Variants in SEC11A observed in about 807,000 individuals in gnomAD.
SEC11A encodes signal peptidase complex catalytic subunit SEC11A.
In SEC11A, 14 loss-of-function variants were observed where a neutral mutation model predicts 25.6. The observed-to-expected ratio is 0.55, with a 90% confidence interval of 0.36 to 0.85. The LOEUF (loss-of-function observed/expected upper bound fraction) is 0.85. Among genes scored for constraint, SEC11A ranks in the 40% least tolerant of loss-of-function variants. The pLI, the probability that SEC11A is intolerant of heterozygous loss-of-function variation, is 0.01. For synonymous variants in SEC11A, 83 were observed against 76.4 expected (o/e 1.09, Z -0.45); for missense variants, 153 against 222.9 (o/e 0.69, Z 2.00).
chr15:84,713,024 C>T (rs1898333284), intron 1 of SEC11A, among the ~76,000 whole-genome samples: 1 of 151,962 alleles, frequency 6.6e-6, no homozygotes, highest in African/African-American at 2.4e-5. Flanking sequence ...GAAACCCTGT[C>T]TCTACTAAAA....
At chr15:84,699,181 G>A (rs1208642371) in intron 1 of SEC11A, among the ~76,000 whole-genome samples, 1 of 151,956 alleles carries the variant, frequency 6.6e-6, no homozygotes, top group East Asian at 1.9e-4. Context: ...CAGGCGTGGT[G>A]GCACGTGCCT....
In SEC11A at chr15:84,676,978, C is replaced by T. The variant is rs117890238; in HGVS notation, c.431+3735G>A. Among the ~76,000 whole-genome samples, 1,391 of 152,016 alleles carry T rather than the reference C, an allele frequency of 9.2e-3. 13 individuals are homozygous for T. The highest frequency in any genetic ancestry group is 0.015 in the Non-Finnish European group (996 of 67,984). On this transcript the variant is annotated intron_variant, in intron 4 of 5. Coordinates refer to ENST00000268220, the MANE Select transcript of SEC11A (RefSeq NM_014300.4). ...TGATAGCATGCACCTGTGATCCTAGCTACTGAGAAGGCTGAGGTGGGAGGA... is the reference window on the plus strand; with the variant it reads ...TGATAGCATGCACCTGTGATCCTAGTTACTGAGAAGGCTGAGGTGGGAGGA...
intron 4 of SEC11A, among the ~76,000 whole-genome samples, chr15:84,677,421 T>C (rs1475594732): frequency 6.6e-6 from 1 of 151,920 alleles, no homozygotes. Flanking sequence ...ATAGTTTCTA[T>C]GTTGGGATTT....
At chr15:84,697,018 T>TA (rs200060958) in intron 1 of SEC11A, among the ~76,000 whole-genome samples, 20 of 110,124 alleles carry the variant, frequency 1.8e-4, no homozygotes, top group Admixed American at 4.1e-4. Context: ...TCCCTATCTC[T>TA]AAAAAAAAAA....
At chr15:84,698,067 G>A (rs945915498) in intron 1 of SEC11A, among the ~76,000 whole-genome samples, 2 of 151,744 alleles carry the variant, frequency 1.3e-5, no homozygotes, top group Admixed American at 1.3e-4. Flanking sequence ...ACTAGAATAA[G>A]CCACAAGACA....
At chr15:84,671,547 G>A (rs1896983214) in intron 4 of SEC11A, 1 of 152,198 alleles carries the variant, frequency 6.6e-6, no homozygotes, top group South Asian at 2.1e-4. Context: ...AAAACCACCT[G>A]TTAAATTATC....
intron 4 of SEC11A, among the ~76,000 whole-genome samples, chr15:84,678,194 A>G (rs1338286487): frequency 6.6e-6 from 1 of 151,716 alleles, no homozygotes; most frequent in African/African-American, 2.4e-5. Context: ...AAGACTCTCC[A>G]GCCTGGGCAA....
intron 1 of SEC11A, among the ~76,000 whole-genome samples, chr15:84,705,965 G>A (rs1898082436): frequency 6.6e-6 from 1 of 151,884 alleles, no homozygotes; most frequent in Non-Finnish European, 1.5e-5. Flanking sequence ...AGGCTGGAGT[G>A]CAGTGGCACG....
intron 1 of SEC11A, among the ~76,000 whole-genome samples, chr15:84,693,641 A>G (rs953297955): frequency 6.6e-6 from 1 of 151,846 alleles, no homozygotes; most frequent in Non-Finnish European, 1.5e-5. Context: ...TTGTATTTTT[A>G]GTAGAGACGG....
intron 5 of SEC11A, 129 bp from the exon 6 acceptor site, chr15:84,670,198 T>A: frequency 1.3e-6 from 1 of 777,820 alleles, no homozygotes; most frequent in Non-Finnish European, 2.0e-6. Flanking sequence ...ATCTTTTAAC[T>A]ATAATCCATT....
Position 84,708,655 on chromosome 15 carries a change from G to A in SEC11A, c.51+7370C>T, listed in dbSNP as rs576368996. 1.2e-4 allele frequency among the ~76,000 whole-genome samples: 18 copies of A among 152,140 alleles called. 1 individual carries two copies. The highest frequency in any genetic ancestry group is 1.2e-3 in the Admixed American group (18 of 15,264). Reference sequence around the variant, plus strand: ...AAATGGAGTCTCACTATGGTACCTGGTGTACACCTGTAGTCCCAGCTACTT... The same window carrying A: ...AAATGGAGTCTCACTATGGTACCTGATGTACACCTGTAGTCCCAGCTACTT... On this transcript the variant is annotated intron_variant, in intron 1 of 5. Coordinates refer to ENST00000268220, the MANE Select transcript of SEC11A (RefSeq NM_014300.4).
At chr15:84,714,018 CTTTTTTTTTTTT>C (rs34873142) in intron 1 of SEC11A, among the ~76,000 whole-genome samples, 1 of 100,428 alleles carries the variant, frequency 1.0e-5, no homozygotes. Flanking sequence ...CATATACCTT[CTTTTTTTTTTTT>C]TTTTTTTTTT....
In SEC11A at chr15:84,716,061, G is replaced by C; in HGVS notation, c.15C>G (p.Asp5Glu). 6.2e-7 allele frequency: 1 copy of C among 1,613,858 alleles called. No individual in the cohort carries two copies. The highest frequency in any genetic ancestry group is 1.1e-5 in the South Asian group (1 of 91,060). Residue 5 changes from aspartate (D) to glutamate (E), a missense_variant, in exon 1 of 6, where the codon GAC becomes GAG. Physicochemically the swap from Asp to Glu is conservative, Grantham distance 45. Coordinates refer to ENST00000268220, the MANE Select transcript of SEC11A (RefSeq NM_014300.4). MLSLDFLDDVRRMNK... is the reference protein window; with the variant it reads MLSLEFLDDVRRMNK... ...TCATCCGCCGCACATCGTCCAAAAA[G>C]TCTAGAGACAGCATGGCGGGGACGG...
chr15:84,699,308 CT>C (rs1255854357), intron 1 of SEC11A, among the ~76,000 whole-genome samples: 2 of 116,416 alleles, frequency 1.7e-5, no homozygotes, highest in Admixed American at 2.0e-4. Flanking sequence ...GAGCAAGACT[CT>C]TGTCTCCAAA....
chr15:84,679,944 C>G, intron 4 of SEC11A: 2 of 1,531,044 alleles, frequency 1.3e-6, no homozygotes, highest in Non-Finnish European at 1.7e-6. Context: ...TTCCTGTCCT[C>G]CACTGAACTG....
chr15:84,694,509 A>C (rs756177007), intron 1 of SEC11A, among the ~76,000 whole-genome samples: 12 of 152,246 alleles, frequency 7.9e-5, no homozygotes, highest in African/African-American at 2.4e-4. Flanking sequence ...ACACACATAC[A>C]TACAAGAATA....
At chr15:84,693,912 A>C (rs977556703) in intron 1 of SEC11A, among the ~76,000 whole-genome samples, 1 of 152,232 alleles carries the variant, frequency 6.6e-6, no homozygotes, top group Non-Finnish European at 1.5e-5. Flanking sequence ...ATTCAGCAAA[A>C]GAAAATTCTA....
At chr15:84,672,811 G>C in intron 4 of SEC11A, 1 of 214,560 alleles carries the variant, frequency 4.7e-6, no homozygotes, top group Non-Finnish European at 9.5e-6. Context: ...TCCCATCTAG[G>C]AAATGAGGAG....
intron 4 of SEC11A, among the ~76,000 whole-genome samples, chr15:84,677,475 CTT>C (rs1171786400): frequency 1.9e-4 from 25 of 131,338 alleles, no homozygotes; most frequent in Admixed American, 2.3e-4. Flanking sequence ...TTTTCTTTTT[CTT>C]TTTTTTTTTT....
Sources: allele counts gnomAD v4.1 joint callset (sites outside exome capture counted in the v4.1 genomes callset), GRCh38; gene constraint gnomAD v4.1.1; transcripts MANE v1.5; gene names NCBI Gene and HGNC (gene_info 2026-07-23, HGNC 2026-07-21).